Variants in ROBO1 observed in about 807,000 individuals in gnomAD.
ROBO1 encodes roundabout guidance receptor 1.
In ROBO1, 149 loss-of-function variants were observed where a neutral mutation model predicts 195.9. The ratio of observed to expected loss-of-function variants is 0.76; its 90% CI spans 0.67 to 0.87. The LOEUF is 0.87. Ranked by LOEUF, ROBO1 falls within the 40% of genes least tolerant of loss-of-function variation. The pLI is 0.00. For synonymous variants in ROBO1, 816 were observed against 733.2 expected (o/e 1.11, Z -1.82); for missense variants, 1,933 against 2,068.3 (o/e 0.93, Z 1.27).
intron 3 of ROBO1, among the ~76,000 whole-genome samples, chr3:79,050,209 G>C (rs2078670718): frequency 6.6e-6 from 1 of 152,074 alleles, no homozygotes. Context: ...GATCTACCTA[G>C]CAAATGGGAA....
chr3:79,733,487 T>G (rs188878467), intron 1 of ROBO1, among the ~76,000 whole-genome samples: 2 of 152,236 alleles, frequency 1.3e-5, no homozygotes, highest in East Asian at 3.9e-4. Flanking sequence ...TACTTATCTC[T>G]CCTTTTTACC....
chr3:79,012,436 T>G (rs1396356585), intron 3 of ROBO1, among the ~76,000 whole-genome samples: 1 of 152,202 alleles, frequency 6.6e-6, no homozygotes, highest in Non-Finnish European at 1.5e-5. Context: ...CCCTAGAACA[T>G]TTTCTACAAT....
At chr3:79,234,537 C>T (rs1022077089) in intron 2 of ROBO1, among the ~76,000 whole-genome samples, 1 of 152,016 alleles carries the variant, frequency 6.6e-6, no homozygotes, top group Non-Finnish European at 1.5e-5. Context: ...TTCACTGCAG[C>T]ACTATTCACA....
intron 1 of ROBO1, among the ~76,000 whole-genome samples, chr3:79,731,626 A>T (rs1703152277): frequency 6.6e-6 from 1 of 152,204 alleles, no homozygotes; most frequent in African/African-American, 2.4e-5. Flanking sequence ...AGCATTACAT[A>T]TTGAGTAGGC....
intron 2 of ROBO1, among the ~76,000 whole-genome samples, chr3:79,261,892 C>T (rs1364452547): frequency 4.6e-5 from 7 of 152,056 alleles, no homozygotes; most frequent in African/African-American, 1.2e-4. Flanking sequence ...AGTTGCTCTA[C>T]GTTGTAATTG....
intron 2 of ROBO1, among the ~76,000 whole-genome samples, chr3:79,398,060 T>C (rs902974130): frequency 3.3e-5 from 5 of 152,160 alleles, no homozygotes; most frequent in Non-Finnish European, 7.4e-5. Context: ...CATTGTCAAA[T>C]TGCCACCTAA....
At chr3:79,139,438 T>A (rs1049894503) in intron 2 of ROBO1, among the ~76,000 whole-genome samples, 1 of 152,144 alleles carries the variant, frequency 6.6e-6, no homozygotes, top group Non-Finnish European at 1.5e-5. Context: ...CTTAAAGTAA[T>A]TGGGGAAATT....
chr3:78,714,358 T>C (rs2081844000), intron 8 of ROBO1, 39 bp downstream of exon 8: 1 of 1,592,378 alleles, frequency 6.3e-7, no homozygotes, highest in Non-Finnish European at 8.5e-7. Flanking sequence ...ATATTTTGTA[T>C]GCTAAAACCA....
Position 79,592,028 on chromosome 3 carries a change from C to CTTT in ROBO1, c.-50-2068_-50-2067insAAA, listed in dbSNP as rs536007470. ...GAATCTCAAGGCTATTTAGAACTTG[C>CTTT]TTATTACTTAAAAATTTAGAAGGAT... On this transcript the variant is annotated intron_variant, in intron 1 of 30. Coordinates refer to ENST00000464233, the MANE Select transcript of ROBO1 (RefSeq NM_002941.4). 1.9e-3 allele frequency among the ~76,000 whole-genome samples: 288 copies of CTTT among 148,942 alleles called. 1 individual carries two copies. Among genetic ancestry groups the CTTT allele is most frequent in the Middle Eastern group, 0.014 (4 of 292 alleles).
intron 2 of ROBO1, among the ~76,000 whole-genome samples, chr3:79,324,438 G>A (rs757758518): frequency 1.1e-4 from 17 of 152,238 alleles, no homozygotes; most frequent in African/African-American, 1.7e-4. Flanking sequence ...GATTAACACC[G>A]TAGGATCTCT....
At chr3:78,906,957 A>G (rs1314660682) in intron 4 of ROBO1, among the ~76,000 whole-genome samples, 1 of 152,060 alleles carries the variant, frequency 6.6e-6, no homozygotes, top group Non-Finnish European at 1.5e-5. Context: ...CTACTTCCTT[A>G]TTCTGTCTGT....
intron 2 of ROBO1, among the ~76,000 whole-genome samples, chr3:79,565,899 A>G (rs1377956362): frequency 1.3e-5 from 2 of 152,142 alleles, no homozygotes; most frequent in Non-Finnish European, 2.9e-5. Context: ...TAACTTACAT[A>G]TTCAAGTAAT....
At chr3:79,633,571 G>T (rs549685688) in intron 1 of ROBO1, among the ~76,000 whole-genome samples, 4 of 151,854 alleles carry the variant, frequency 2.6e-5, no homozygotes, top group African/African-American at 9.7e-5. Context: ...GTTAGTCCTG[G>T]TTTTTCTCTC....
At chr3:78,936,814 C>T (rs549628549) in intron 4 of ROBO1, among the ~76,000 whole-genome samples, 2 of 152,064 alleles carry the variant, frequency 1.3e-5, no homozygotes, top group South Asian at 2.1e-4. Context: ...ATAGGTCGAA[C>T]ATTTAAACTT....
intron 2 of ROBO1, among the ~76,000 whole-genome samples, chr3:79,210,086 T>A (rs2081943230): frequency 6.6e-6 from 1 of 152,144 alleles, no homozygotes; most frequent in African/African-American, 2.4e-5. Flanking sequence ...ACACATCCCA[T>A]GCTCATGGAT....
intron 3 of ROBO1, among the ~76,000 whole-genome samples, chr3:79,091,526 A>T (rs1226023859): frequency 6.6e-6 from 1 of 151,772 alleles, no homozygotes; most frequent in African/African-American, 2.4e-5. Context: ...TGTGGGAAAT[A>T]GGCCAAAAAG....
chr3:79,226,038 T>A (rs1276363641), intron 2 of ROBO1, among the ~76,000 whole-genome samples: 1 of 152,188 alleles, frequency 6.6e-6, no homozygotes, highest in Non-Finnish European at 1.5e-5. Context: ...CCTCCTGTCT[T>A]ACAGTTTGCC....
At chr3:78,806,588 A>ATCT (rs2084548525) in intron 4 of ROBO1, among the ~76,000 whole-genome samples, 1 of 152,192 alleles carries the variant, frequency 6.6e-6, no homozygotes, top group African/African-American at 2.4e-5. Context: ...AGTAACACTT[A>ATCT]TAAGTCATGT....
At chr3:79,073,370 G>C (rs1466493516) in intron 3 of ROBO1, among the ~76,000 whole-genome samples, 1 of 151,926 alleles carries the variant, frequency 6.6e-6, no homozygotes, top group African/African-American at 2.4e-5. Context: ...TGACAGAAGG[G>C]TTGCTAAGAC....
Sources: gnomAD v4.1 joint callset for allele counts (sites outside exome capture counted in the v4.1 genomes callset) on GRCh38, gnomAD v4.1.1 for gene constraint, MANE v1.5 for transcripts, NCBI Gene and HGNC (gene_info 2026-07-23, HGNC 2026-07-21) for gene names.